Variants in LGSN observed in about 807,000 individuals in gnomAD.
The protein encoded by LGSN is lengsin, lens protein with glutamine synthetase domain.
A neutral mutation model predicts 19.5 loss-of-function variants in LGSN; 21 were observed. The observed-to-expected ratio is 1.07, with a 90% confidence interval of 0.76 to 1.55. The LOEUF is 1.55. LGSN is among the 40% of genes most tolerant of loss of function. The pLI, the probability that LGSN is intolerant of heterozygous loss-of-function variation, is 0.00. For missense variants in LGSN, 673 were observed against 608.5 expected, an observed-to-expected ratio of 1.11 and a Z score of -1.12; for synonymous variants, 257 against 215.6, an observed-to-expected ratio of 1.19 and a Z score of -1.68.
the LGSN span, among the ~76,000 whole-genome samples, chr6:63,515,416 G>T: frequency 6.6e-6 from 1 of 151,588 alleles, no homozygotes; most frequent in South Asian, 2.1e-4. Flanking sequence ...TTTTTAGTAG[G>T]GATGGGGTTT....
the LGSN span, among the ~76,000 whole-genome samples, chr6:63,348,509 C>T: frequency 2.2e-4 from 34 of 151,992 alleles, no homozygotes; most frequent in South Asian, 8.3e-4. Context: ...TGCAGGTCTA[C>T]GAGCTCTTGG....
the LGSN span, among the ~76,000 whole-genome samples, chr6:63,545,594 G>C: frequency 6.6e-6 from 1 of 151,802 alleles, no homozygotes; most frequent in African/African-American, 2.4e-5. Context: ...CTGGGCAACA[G>C]AGCAAGACTC....
At position 63,279,860 on chromosome 6, in the gene LGSN, A is replaced by G; in HGVS notation, c.*161T>C. On this transcript the variant is annotated 3_prime_UTR_variant, in exon 4 of 4. Transcript: ENST00000370657. The stretch of plus-strand genomic sequence containing the variant: ...TTATCAGAATCTTCTCAGCAGTCCT[A>G]CTTCATCTGTCAAATATTCCATGGA... 2 of 647,124 alleles carry G rather than the reference A, an allele frequency of 3.1e-6. No individual in the cohort carries two copies. Among genetic ancestry groups the G allele is most frequent in the Middle Eastern group, 4.5e-4 (1 of 2,210 alleles). 40.1% of individuals were successfully genotyped at this position (647,124 alleles called of 1,614,324 possible). A position where few individuals can be genotyped will look rare whatever the true frequency, so the allele number is the denominator to read the frequency against.
chr6:63,484,312 G>A, the LGSN span, among the ~76,000 whole-genome samples: 1 of 152,074 alleles, frequency 6.6e-6, no homozygotes, highest in Non-Finnish European at 1.5e-5. Context: ...AGACCAGCCT[G>A]AACAACATGG....
chr6:63,382,924 T>C, the LGSN span, among the ~76,000 whole-genome samples: 2 of 152,226 alleles, frequency 1.3e-5, no homozygotes, highest in Admixed American at 6.6e-5. Flanking sequence ...GTTACCATCA[T>C]TATTAGCCAT....
chr6:63,333,593 AG>A, the LGSN span, among the ~76,000 whole-genome samples: 11 of 116,134 alleles, frequency 9.5e-5, no homozygotes, highest in East Asian at 8.8e-4. Context: ...GAAGGAAGGA[AG>A]GGGGGAGGGA....
At chr6:63,441,375 T>C in the LGSN span, 1 of 463,428 alleles carries the variant, frequency 2.2e-6, no homozygotes, top group Non-Finnish European at 4.3e-6. Context: ...CACCTTGTCG[T>C]CAGCTTTGCT....
intron 1 of LGSN, among the ~76,000 whole-genome samples, chr6:63,297,012 T>A (rs893433098): frequency 8.6e-5 from 13 of 151,098 alleles, no homozygotes; most frequent in Non-Finnish European, 1.8e-4. Flanking sequence ...AAAAAAAAAA[T>A]TTACCTAGTT....
chr6:63,479,138 A>G, the LGSN span, among the ~76,000 whole-genome samples: 20 of 152,206 alleles, frequency 1.3e-4, no homozygotes, highest in Admixed American at 3.9e-4. Context: ...CCAGGCCTCA[A>G]CCAATCACTG....
At chr6:63,562,621 A>G in the LGSN span, among the ~76,000 whole-genome samples, 3 of 152,258 alleles carry the variant, frequency 2.0e-5, no homozygotes, top group Non-Finnish European at 2.9e-5. Flanking sequence ...AAATTCAACA[A>G]AACAGTGCAA....
At chr6:63,539,063 G>T in the LGSN span, among the ~76,000 whole-genome samples, 1 of 151,694 alleles carries the variant, frequency 6.6e-6, no homozygotes, top group Non-Finnish European at 1.5e-5. Context: ...CGGCTAATTT[G>T]TGTTTTTTTA....
chr6:63,423,768 T>TA, the LGSN span, among the ~76,000 whole-genome samples: 2 of 152,120 alleles, frequency 1.3e-5, no homozygotes, highest in African/African-American at 2.4e-5. Context: ...CCAGGCATGA[T>TA]GGCTCACGCC....
the LGSN span, chr6:63,440,628 G>A: frequency 6.6e-6 from 1 of 152,220 alleles, no homozygotes; most frequent in South Asian, 2.1e-4. Context: ...AATTAACAAG[G>A]TGTAGGCACC....
At chr6:63,531,157 G>T in the LGSN span, among the ~76,000 whole-genome samples, 1 of 152,120 alleles carries the variant, frequency 6.6e-6, no homozygotes, top group Admixed American at 6.6e-5. Flanking sequence ...TCTTGAGTTG[G>T]TGTCCATCAA....
chr6:63,452,396 G>C, the LGSN span, among the ~76,000 whole-genome samples: 1 of 152,022 alleles, frequency 6.6e-6, no homozygotes, highest in African/African-American at 2.4e-5. Flanking sequence ...TTACAGGCAT[G>C]AGCCACCACA....
intron 1 of LGSN, among the ~76,000 whole-genome samples, chr6:63,313,874 A>T (rs1004633245): frequency 6.6e-6 from 1 of 151,550 alleles, no homozygotes; most frequent in African/African-American, 2.4e-5. Context: ...ATAAATACAT[A>T]CATACATACA....
intron 1 of LGSN, among the ~76,000 whole-genome samples, chr6:63,313,079 G>A (rs1768693773): frequency 6.6e-6 from 1 of 151,756 alleles, no homozygotes; most frequent in African/African-American, 2.4e-5. Context: ...GAAAGAACAG[G>A]GACTGAGAAA....
chr6:63,358,644 G>A, the LGSN span, among the ~76,000 whole-genome samples: 7 of 152,172 alleles, frequency 4.6e-5, no homozygotes, highest in Admixed American at 3.3e-4. Flanking sequence ...GTCTGTTATT[G>A]GTGTATAAGA....
the LGSN span, among the ~76,000 whole-genome samples, chr6:63,497,918 C>CTTTTTTTTTTTTTTT: frequency 2.3e-4 from 28 of 121,898 alleles, no homozygotes; most frequent in African/African-American, 5.2e-4. Flanking sequence ...TGTCATGTTT[C>CTTTTTTTTTTTTTTT]TTTTTTTTTT....
Sources: allele counts gnomAD v4.1 joint callset (sites outside exome capture counted in the v4.1 genomes callset), GRCh38; gene constraint gnomAD v4.1.1; transcripts MANE v1.5; gene names NCBI Gene and HGNC (gene_info 2026-07-23, HGNC 2026-07-21).